Variants in AGTPBP1 observed in about 807,000 individuals in gnomAD.
The protein encoded by AGTPBP1 is ATP/GTP binding carboxypeptidase 1, also known as cytosolic carboxypeptidase 1.
AGTPBP1 carries 70 observed loss-of-function variants against 143.9 expected under a neutral mutation model. That is an observed-to-expected ratio of 0.49 (90% CI 0.40 to 0.59). The LOEUF (loss-of-function observed/expected upper bound fraction) is 0.59, where lower values mean the gene tolerates loss of function less well. AGTPBP1 is among the 20% of genes least tolerant of loss of function. The probability of loss-of-function intolerance (pLI) is 0.00; values close to 1 mark genes in which losing one functional copy is unlikely to be tolerated. For synonymous variants in AGTPBP1, 463 were observed against 500.2 expected, an observed-to-expected ratio of 0.93 and a Z score of 0.99; for missense variants, 1,229 against 1,464.5, an observed-to-expected ratio of 0.84 and a Z score of 2.62.
intron 25 of AGTPBP1, among the ~76,000 whole-genome samples, chr9:85,554,997 G>C (rs1161661756): frequency 1.3e-5 from 2 of 152,066 alleles, no homozygotes; most frequent in Admixed American, 6.6e-5. Context: ...AGCAGAGATA[G>C]GTAAGTAGAA....
chr9:85,803,082 G>C, the AGTPBP1 span, among the ~76,000 whole-genome samples: 1 of 152,178 alleles, frequency 6.6e-6, no homozygotes, highest in African/African-American at 2.4e-5. Context: ...AACTGGAAGA[G>C]AACTACTTTC....
At chr9:85,688,096 T>TAAAAAAAAAA (rs58523894) in intron 3 of AGTPBP1, among the ~76,000 whole-genome samples, 15 of 34,646 alleles carry the variant, frequency 4.3e-4, no homozygotes, top group East Asian at 1.1e-3. Flanking sequence ...GTCTCAAAAT[T>TAAAAAAAAAA]AAAAAAAAAA....
chr9:85,764,832 T>C, the AGTPBP1 span: 758 of 1,328,884 alleles, frequency 5.7e-4, no homozygotes, highest in Non-Finnish European at 7.5e-4. Context: ...TCAGAGCAAG[T>C]TGAAGTCCTC....
At chr9:85,605,242 G>C (rs1829921499) in intron 17 of AGTPBP1, among the ~76,000 whole-genome samples, 1 of 152,032 alleles carries the variant, frequency 6.6e-6, no homozygotes, top group Admixed American at 6.6e-5. Flanking sequence ...AGCAGCAAGA[G>C]AAAAGAAACA....
At chr9:85,804,227 CTCCT>C in the AGTPBP1 span, among the ~76,000 whole-genome samples, 11 of 152,102 alleles carry the variant, frequency 7.2e-5, no homozygotes, top group African/African-American at 2.7e-4. Flanking sequence ...AGGCCCCATA[CTCCT>C]TTGTCTTTTC....
chr9:85,577,903 T>C (rs1344682667), intron 24 of AGTPBP1, among the ~76,000 whole-genome samples: 1 of 152,230 alleles, frequency 6.6e-6, no homozygotes, highest in South Asian at 2.1e-4. Context: ...ATGTTTACAT[T>C]TTAAATGCTA....
At chr9:85,705,761 G>A (rs1836950112) in intron 2 of AGTPBP1, among the ~76,000 whole-genome samples, 2 of 152,084 alleles carry the variant, frequency 1.3e-5, no homozygotes, top group South Asian at 4.1e-4. Context: ...CATGATCTCG[G>A]CTCACTGCAA....
At chr9:85,608,839 CAG>C (rs917434216) in intron 17 of AGTPBP1, among the ~76,000 whole-genome samples, 5 of 151,744 alleles carry the variant, frequency 3.3e-5, no homozygotes, top group African/African-American at 9.7e-5. Context: ...AAAAAACAAA[CAG>C]GGAGGGAACC....
chr9:85,595,845 T>A (rs1829268125), intron 18 of AGTPBP1, among the ~76,000 whole-genome samples: 2 of 152,190 alleles, frequency 1.3e-5, no homozygotes, highest in African/African-American at 4.8e-5. Context: ...TTATTTCTAA[T>A]TTGCTATAAG....
the AGTPBP1 span, chr9:85,781,443 C>T: frequency 2.6e-5 from 35 of 1,346,714 alleles, 1 homozygote; most frequent in South Asian, 5.2e-4. Context: ...TGTAGTGTAG[C>T]CTTTACCAAT....
chr9:85,727,339 G>A (rs1362909970), intron 1 of AGTPBP1, among the ~76,000 whole-genome samples: 1 of 151,930 alleles, frequency 6.6e-6, no homozygotes, highest in Non-Finnish European at 1.5e-5. Flanking sequence ...AAAAATAAAA[G>A]CAAACCCCAC....
chr9:85,589,871 A>T (rs1414100902), intron 19 of AGTPBP1, among the ~76,000 whole-genome samples, 190 bp from the exon 20 acceptor site: 1 of 152,132 alleles, frequency 6.6e-6, no homozygotes, highest in Non-Finnish European at 1.5e-5. Flanking sequence ...TATATTGTTT[A>T]AATCATTAAT....
At chr9:85,760,332 A>G in the AGTPBP1 span, among the ~76,000 whole-genome samples, 2 of 152,184 alleles carry the variant, frequency 1.3e-5, no homozygotes, top group East Asian at 1.9e-4. Flanking sequence ...AGAATTTTAG[A>G]CCAATATCCT....
chr9:85,750,378 G>T, the AGTPBP1 span, among the ~76,000 whole-genome samples: 1 of 151,972 alleles, frequency 6.6e-6, no homozygotes, highest in Non-Finnish European at 1.5e-5. Flanking sequence ...AACTCAGATG[G>T]GTGTAACATT....
chr9:85,760,844 G>A, the AGTPBP1 span, among the ~76,000 whole-genome samples: 1 of 152,168 alleles, frequency 6.6e-6, no homozygotes, highest in African/African-American at 2.4e-5. Context: ...GTTTGCAGAT[G>A]ACATGATTGT....
chr9:85,572,692 C>T (rs180723246), intron 25 of AGTPBP1, among the ~76,000 whole-genome samples: 4 of 152,204 alleles, frequency 2.6e-5, no homozygotes, highest in East Asian at 1.9e-4. Flanking sequence ...GCACCAGTAA[C>T]GGTCTGTTGA....
At chr9:85,630,373 G>GACTT (rs199933310) in intron 14 of AGTPBP1, among the ~76,000 whole-genome samples, 14 of 146,138 alleles carry the variant, frequency 9.6e-5, no homozygotes, top group East Asian at 3.9e-4. Flanking sequence ...TTACAGGATT[G>GACTT]ACTTACTTAC....
chr9:85,596,546 G>A, intron 17 of AGTPBP1, 97 bp from the exon 18 acceptor site: 2 of 750,310 alleles, frequency 2.7e-6, no homozygotes, highest in South Asian at 4.7e-5. Flanking sequence ...ATTCAGGAAA[G>A]CAGAAGTAAA....
intron 8 of AGTPBP1, among the ~76,000 whole-genome samples, chr9:85,668,847 TAAAG>T (rs1283366571): frequency 1.3e-5 from 2 of 151,416 alleles, no homozygotes; most frequent in East Asian, 3.9e-4. Context: ...AAAAAAATTT[TAAAG>T]AAAGACCTCT....
Sources: allele counts gnomAD v4.1 joint callset (sites outside exome capture counted in the v4.1 genomes callset), GRCh38; gene constraint gnomAD v4.1.1; transcripts MANE v1.5; gene names NCBI Gene and HGNC (gene_info 2026-07-23, HGNC 2026-07-21).